TRHDE: variants seen among roughly 807,000 people sequenced by gnomAD.
The protein encoded by TRHDE is thyrotropin-releasing hormone-degrading ectoenzyme.
In TRHDE, 72 loss-of-function variants were observed where a neutral mutation model predicts 125.7. The ratio of observed to expected loss-of-function variants is 0.57; its 90% CI spans 0.47 to 0.70. The LOEUF is 0.70. TRHDE is among the 30% of genes least tolerant of loss of function. The probability of loss-of-function intolerance (pLI) is 0.00; values close to 1 mark genes in which losing one functional copy is unlikely to be tolerated. For synonymous variants in TRHDE, 509 were observed against 509.1 expected (o/e 1.00, Z 0.00); for missense variants, 1,110 against 1,327.1 (o/e 0.84, Z 2.54).
chr12:72,533,723 G>GTTTTTTTTTTTTTTT, intron 6 of TRHDE, among the ~76,000 whole-genome samples: 23 of 97,894 alleles, frequency 2.3e-4, no homozygotes, highest in South Asian at 3.4e-4. Context: ...TTTTCTATTT[G>GTTTTTTTTTTTTTTT]TTTTTTTTTT....
At chr12:72,176,402 A>G (rs1252817194) in intron 2 of TRHDE, among the ~76,000 whole-genome samples, 1 of 151,898 alleles carries the variant, frequency 6.6e-6, no homozygotes, top group East Asian at 1.9e-4. Flanking sequence ...AGGCTAGCTG[A>G]CTCTGCAGCT....
In TRHDE at chr12:72,298,172, TC is replaced by T. The variant is rs1393234058; in HGVS notation, c.1188+11219del. The stretch of plus-strand genomic sequence containing the variant: ...GAGCTTGAAGTGAAAAACAAACAAA[TC>T]TAAAAAACAGAACAGTTTGGTCAGT... On this transcript the variant is annotated intron_variant, in intron 2 of 18. Coordinates refer to ENST00000261180, the MANE Select transcript of TRHDE (RefSeq NM_013381.3). Among the ~76,000 whole-genome samples the T allele has an allele frequency of 3.9e-5, 6 of 152,262 alleles. No homozygotes were observed. The East Asian group carries it at 1.2e-3, about 29-fold the overall frequency.
intron 12 of TRHDE, among the ~76,000 whole-genome samples, chr12:72,608,158 G>A (rs1373425986): frequency 6.6e-6 from 1 of 152,200 alleles, no homozygotes; most frequent in Admixed American, 6.5e-5. Context: ...CAGCCCTACA[G>A]TTATGTAGAG....
Position 72,663,120 on chromosome 12 carries a change from C to T in TRHDE, c.3135C>T (p.Val1045=), listed in dbSNP as rs368612590. 37 of 1,612,992 alleles carry T rather than the reference C, an allele frequency of 2.3e-5. No homozygotes were observed. Among genetic ancestry groups the T allele is most frequent in the South Asian group, 4.4e-5 (4 of 90,946 alleles). ...AASFSRAVET[V]EANVRWKMLY... is the part of the protein sequence containing the mutation. ...CTTTCTCACGAGCTGTGGAAACTGT[C>T]GAAGCCAATGTGCGCTGGAAAATGC... The change falls in exon 19 of 19, where the codon GTC becomes GTT. Residue 1045 remains valine, a synonymous_variant. Transcript: ENST00000261180.
chr12:72,620,224 C>T lies in TRHDE; in HGVS notation c.2470-884C>T, dbSNP rs1224063437. Among the ~76,000 whole-genome samples the T allele has an allele frequency of 2.7e-5, 4 of 147,358 alleles. No individual in the cohort carries two copies. The Admixed American group carries it at 2.8e-4, about 10-fold the overall frequency. Reference sequence around the variant, plus strand: ...TGTCAGATTCCTTGTTTTCAGTAAACAGTTAAGAATCATTTTTATTGTAAT... The same window carrying T: ...TGTCAGATTCCTTGTTTTCAGTAAATAGTTAAGAATCATTTTTATTGTAAT... On this transcript the variant is annotated intron_variant, in intron 13 of 18. Coordinates refer to ENST00000261180, the MANE Select transcript of TRHDE (RefSeq NM_013381.3).
chr12:72,651,989 G>A (rs1027760479), intron 15 of TRHDE, among the ~76,000 whole-genome samples: 4 of 151,864 alleles, frequency 2.6e-5, no homozygotes, highest in African/African-American at 2.4e-5. Context: ...AAATCTTTGT[G>A]TAATAGCCAT....
chr12:72,392,962 T>C (rs1872662999), intron 3 of TRHDE, among the ~76,000 whole-genome samples: 1 of 152,136 alleles, frequency 6.6e-6, no homozygotes, highest in Non-Finnish European at 1.5e-5. Flanking sequence ...CCATATACTA[T>C]ATATACTATG....
intron 5 of TRHDE, among the ~76,000 whole-genome samples, chr12:72,473,601 G>A (rs1876752434): frequency 6.6e-6 from 1 of 151,950 alleles, no homozygotes; most frequent in Admixed American, 6.6e-5. Context: ...TATTGTTGTA[G>A]ATATATGTAT....
chr12:72,176,587 G>A (rs899501578), intron 2 of TRHDE, among the ~76,000 whole-genome samples: 1 of 152,220 alleles, frequency 6.6e-6, no homozygotes, highest in South Asian at 2.1e-4. Flanking sequence ...GTGCATTAAT[G>A]TAGTGGTATG....
intron 2 of TRHDE, among the ~76,000 whole-genome samples, chr12:72,289,519 A>G (rs535788097): frequency 5.9e-5 from 9 of 152,198 alleles, no homozygotes; most frequent in African/African-American, 2.2e-4. Context: ...CAACATTTAG[A>G]AAGTAGAAGA....
At chr12:72,242,064 T>C (rs1435915923) in intron 2 of TRHDE, among the ~76,000 whole-genome samples, 3 of 152,058 alleles carry the variant, frequency 2.0e-5, no homozygotes, top group African/African-American at 7.3e-5. Flanking sequence ...AGATGTATAA[T>C]TTAAATATAC....
chr12:72,610,457 C>T (rs865817407), intron 12 of TRHDE, among the ~76,000 whole-genome samples: 13 of 152,172 alleles, frequency 8.5e-5, no homozygotes, highest in Non-Finnish European at 1.8e-4. Context: ...GTTTGCTCTC[C>T]GTAGCAGCCA....
chr12:72,188,087 T>C (rs2139346821), intron 2 of TRHDE, among the ~76,000 whole-genome samples: 1 of 152,348 alleles, frequency 6.6e-6, no homozygotes, highest in African/African-American at 2.4e-5. Context: ...ATTCCTGATA[T>C]TGCTCTTCAA....
At chr12:72,453,147 G>C (rs1875663146) in intron 3 of TRHDE, among the ~76,000 whole-genome samples, 1 of 152,190 alleles carries the variant, frequency 6.6e-6, no homozygotes, top group Admixed American at 6.5e-5. Flanking sequence ...GAATTTTTAA[G>C]AGACTGGGTA....
intron 2 of TRHDE, among the ~76,000 whole-genome samples, chr12:72,185,451 A>G (rs986142150): frequency 1.3e-5 from 2 of 152,378 alleles, no homozygotes; most frequent in East Asian, 3.9e-4. Context: ...CAGGACTGGC[A>G]GGCAGCTCCA....
chr12:72,129,623 A>G (rs188596076), intron 2 of TRHDE, among the ~76,000 whole-genome samples: 2 of 152,352 alleles, frequency 1.3e-5, no homozygotes, highest in Admixed American at 6.5e-5. Flanking sequence ...TTATGTTGGG[A>G]AAGAGAGAAG....
At chr12:72,651,663 A>T (rs762131221) in intron 15 of TRHDE, among the ~76,000 whole-genome samples, 3 of 152,020 alleles carry the variant, frequency 2.0e-5, no homozygotes, top group Non-Finnish European at 2.9e-5. Context: ...GAAAATTTTC[A>T]ACTTATGAAT....
intron 2 of TRHDE, among the ~76,000 whole-genome samples, chr12:72,343,426 C>T (rs2135732457): frequency 6.6e-6 from 1 of 152,170 alleles, no homozygotes; most frequent in African/African-American, 2.4e-5. Flanking sequence ...TATGAATGGA[C>T]TTGTATAGTT....
At chr12:72,549,355 T>TA (rs1381273477) in intron 7 of TRHDE, among the ~76,000 whole-genome samples, 1 of 151,822 alleles carries the variant, frequency 6.6e-6, no homozygotes, top group African/African-American at 2.4e-5. Flanking sequence ...TTCAGATAAG[T>TA]AAAAAGTCAG....
Sources: allele counts gnomAD v4.1 joint callset (sites outside exome capture counted in the v4.1 genomes callset), GRCh38; gene constraint gnomAD v4.1.1; transcripts MANE v1.5; gene names NCBI Gene and HGNC (gene_info 2026-07-23, HGNC 2026-07-21).